ALDH1A2: variants seen among roughly 807,000 people sequenced by gnomAD.
ALDH1A2 encodes aldehyde dehydrogenase 1 family member A2, also known as retinal dehydrogenase 2.
A neutral mutation model predicts 60.3 loss-of-function variants in ALDH1A2; 27 were observed. The ratio of observed to expected loss-of-function variants is 0.45; its 90% CI spans 0.33 to 0.62. ALDH1A2 has a LOEUF of 0.62. Among genes scored for constraint, ALDH1A2 ranks in the 20% least tolerant of loss-of-function variants. ALDH1A2 has a pLI of 0.02. For synonymous variants in ALDH1A2, 289 were observed against 232.4 expected (o/e 1.24, Z -2.21); for missense variants, 581 against 643.8 (o/e 0.90, Z 1.06).
chr15:57,967,824 C>T (rs528980435), intron 7 of ALDH1A2, among the ~76,000 whole-genome samples: 1 of 152,284 alleles, frequency 6.6e-6, no homozygotes, highest in African/African-American at 2.4e-5. Flanking sequence ...TCTTCCACTT[C>T]CACGCAAAGG....
At chr15:58,055,981 T>C (rs1184101978) in intron 1 of ALDH1A2, among the ~76,000 whole-genome samples, 6 of 152,096 alleles carry the variant, frequency 3.9e-5, no homozygotes, top group African/African-American at 1.4e-4. Context: ...GAGTGAATAA[T>C]TCATCAATTT....
chr15:58,052,978 C>A (rs780086312), intron 1 of ALDH1A2, among the ~76,000 whole-genome samples: 3 of 152,164 alleles, frequency 2.0e-5, no homozygotes, highest in Admixed American at 6.5e-5. Flanking sequence ...ATTAATGACT[C>A]TGCAAATGAA....
chr15:57,972,614 G>A (rs1428987102), intron 7 of ALDH1A2, among the ~76,000 whole-genome samples: 2 of 151,998 alleles, frequency 1.3e-5, no homozygotes. Flanking sequence ...AATAAATCAT[G>A]GAATCTCATC....
chr15:57,955,864 T>C (rs1465953655), intron 12 of ALDH1A2, among the ~76,000 whole-genome samples: 1 of 152,256 alleles, frequency 6.6e-6, no homozygotes, highest in East Asian at 1.9e-4. Context: ...CCTGTTCTTT[T>C]TGCCTTGTTT....
chr15:57,978,584 T>C (rs1170222752), intron 7 of ALDH1A2, among the ~76,000 whole-genome samples: 3 of 152,162 alleles, frequency 2.0e-5, no homozygotes, highest in Non-Finnish European at 4.4e-5. Flanking sequence ...GACAGAGGTT[T>C]TATTGTGTTT....
chr15:58,051,818 G>A (rs1322283231), intron 1 of ALDH1A2, among the ~76,000 whole-genome samples: 1 of 152,156 alleles, frequency 6.6e-6, no homozygotes, highest in African/African-American at 2.4e-5. Flanking sequence ...AAAGTGCTAA[G>A]TCTCTATTAG....
rs1893440640 is a variant in ALDH1A2 at position 57,954,211 on chromosome 15, T to C, written c.*986A>G. ...CCAAAATCACACCTGCAGCAGTTAT[T>C]GGTGTAGAGGTTCAGAAGGTACAGA... On this transcript the variant is annotated 3_prime_UTR_variant, in exon 13 of 13. Coordinates refer to ENST00000249750, the MANE Select transcript of ALDH1A2 (RefSeq NM_003888.4). The C allele has an allele frequency of 1.3e-5, 2 of 152,382 alleles. No individual in the cohort carries two copies. The highest frequency in any genetic ancestry group is 1.3e-4 in the Admixed American group (2 of 15,288). The allele number at this position is 152,382 out of a possible 1,614,324, so 9.4% of individuals were successfully genotyped here.
At position 58,065,609 on chromosome 15, in the gene ALDH1A2, G is replaced by C. The variant is rs1209147917; in HGVS notation, c.42C>G (p.Ala14=). 7 of 1,610,154 alleles carry C rather than the reference G, an allele frequency of 4.3e-6. No homozygotes were observed. The highest frequency in any genetic ancestry group is 5.9e-6 in the Non-Finnish European group (7 of 1,177,960). Reference sequence around the variant, plus strand: ...GCGACGCCATGAGGGCGGCGGGGTCGGCCTTCACCTCGCCGGGCATCTCTA... The same window carrying C: ...GCGACGCCATGAGGGCGGCGGGGTCCGCCTTCACCTCGCCGGGCATCTCTA... ...SKIEMPGEVK[A]DPAALMASLH... The change falls in exon 1 of 13, where the codon GCC becomes GCG. Residue 14 remains alanine, a synonymous_variant. Coordinates refer to ENST00000249750, the MANE Select transcript of ALDH1A2 (RefSeq NM_003888.4).
intron 1 of ALDH1A2, among the ~76,000 whole-genome samples, chr15:58,021,813 G>C (rs1895936823): frequency 1.3e-5 from 2 of 152,244 alleles, no homozygotes; most frequent in Admixed American, 1.3e-4. Flanking sequence ...ATGAGCTGAA[G>C]CACCCAGTGC....
intron 1 of ALDH1A2, among the ~76,000 whole-genome samples, chr15:58,034,303 T>G (rs551468686): frequency 1.4e-3 from 206 of 151,888 alleles, no homozygotes; most frequent in African/African-American, 4.8e-3. Flanking sequence ...AAATGACTTT[T>G]GTAGATTAAC....
At chr15:58,016,300 T>A (rs1429295494) in intron 1 of ALDH1A2, among the ~76,000 whole-genome samples, 6 of 151,948 alleles carry the variant, frequency 3.9e-5, no homozygotes, top group Non-Finnish European at 8.8e-5. Context: ...CCCACCACCA[T>A]GCCCAGCTAA....
intron 1 of ALDH1A2, among the ~76,000 whole-genome samples, chr15:58,054,288 G>C (rs1896843914): frequency 6.6e-6 from 1 of 152,136 alleles, no homozygotes; most frequent in Admixed American, 6.5e-5. Context: ...AAAAAGATCT[G>C]TTCTCTCTAA....
At chr15:57,982,236 G>C (rs994995330) in intron 7 of ALDH1A2, among the ~76,000 whole-genome samples, 7 of 152,164 alleles carry the variant, frequency 4.6e-5, no homozygotes, top group Non-Finnish European at 7.3e-5. Flanking sequence ...CTAATCTACA[G>C]CTGGGATATC....
intron 4 of ALDH1A2, among the ~76,000 whole-genome samples, chr15:57,996,247 T>A (rs1465426070): frequency 6.6e-6 from 1 of 152,034 alleles, no homozygotes; most frequent in Non-Finnish European, 1.5e-5. Flanking sequence ...CAAAATTGTT[T>A]TGACATATTC....
intron 1 of ALDH1A2, among the ~76,000 whole-genome samples, chr15:58,032,272 A>T (rs544716530): frequency 2.0e-5 from 3 of 151,824 alleles, no homozygotes; most frequent in African/African-American, 7.3e-5. Context: ...ACCAAACACC[A>T]CATGTTCTCA....
At chr15:58,029,885 G>T (rs138543276) in intron 1 of ALDH1A2, among the ~76,000 whole-genome samples, 8 of 152,110 alleles carry the variant, frequency 5.3e-5, no homozygotes, top group African/African-American at 1.9e-4. Flanking sequence ...CTGAAATTGA[G>T]GCAATAATAG....
chr15:58,040,553 A>G (rs542226958), intron 1 of ALDH1A2, among the ~76,000 whole-genome samples: 3 of 152,040 alleles, frequency 2.0e-5, no homozygotes, highest in Admixed American at 6.6e-5. Context: ...GGAATAAGCT[A>G]AAGTTTATGA....
chr15:57,960,169 T>A (rs1425401920), intron 12 of ALDH1A2, among the ~76,000 whole-genome samples: 1 of 152,194 alleles, frequency 6.6e-6, no homozygotes, highest in African/African-American at 2.4e-5. Flanking sequence ...ATTAGTTTTA[T>A]TTACCCCAAA....
At chr15:58,038,754 T>C (rs1171563486) in intron 1 of ALDH1A2, among the ~76,000 whole-genome samples, 2 of 151,806 alleles carry the variant, frequency 1.3e-5, no homozygotes, top group East Asian at 1.9e-4. Context: ...TGGGAATTGC[T>C]ACTGGTAATG....
Sources: allele counts gnomAD v4.1 joint callset (sites outside exome capture counted in the v4.1 genomes callset), GRCh38; gene constraint gnomAD v4.1.1; transcripts MANE v1.5; gene names NCBI Gene and HGNC (gene_info 2026-07-23, HGNC 2026-07-21).